The following PLCB1 variants were observed in gnomAD, a reference collection of about 807,000 sequenced individuals.
PLCB1 encodes phospholipase C beta 1.
In PLCB1, 46 loss-of-function variants were observed where a neutral mutation model predicts 161.8. That is an observed-to-expected ratio of 0.28 (90% CI 0.22 to 0.36). The LOEUF is 0.36. Ranked by LOEUF, PLCB1 falls within the 10% of genes least tolerant of loss-of-function variation. PLCB1 has a pLI of 1.00. For synonymous variants in PLCB1, 517 were observed against 503.7 expected, an observed-to-expected ratio of 1.03 and a Z score of -0.35; for missense variants, 1,016 against 1,472.5, an observed-to-expected ratio of 0.69 and a Z score of 5.07.
At chr20:8,785,773 G>A (rs182837814) in intron 27 of PLCB1, among the ~76,000 whole-genome samples, 106 of 152,280 alleles carry the variant, frequency 7.0e-4, no homozygotes, top group African/African-American at 2.3e-3. Flanking sequence ...CGATGCTGCT[G>A]AGGATAAAGG....
At position 8,739,323 on chromosome 20, in the gene PLCB1, T is replaced by C; in HGVS notation, c.2271T>C (p.Ile757=). The C allele has an allele frequency of 6.2e-7, 1 of 1,614,052 alleles. No homozygotes were observed. Among genetic ancestry groups the C allele is most frequent in the Non-Finnish European group, 8.5e-7 (1 of 1,179,878 alleles). Residue 757 remains isoleucine (I), a synonymous_variant, in exon 21 of 32, where the codon ATT becomes ATC. Transcript: ENST00000338037. The part of the protein sequence containing the change: ...IAVYEEGGKF[I]GHRILPVQAI... The stretch of plus-strand genomic sequence containing the variant: ...TTTATGAAGAAGGAGGTAAATTCAT[T>C]GGCCACCGTATCTTGCCAGTGCAAG...
chr20:8,429,204 G>A (rs1979926100), intron 3 of PLCB1, among the ~76,000 whole-genome samples: 2 of 152,178 alleles, frequency 1.3e-5, no homozygotes, highest in African/African-American at 4.8e-5. Context: ...CACCAAAGTG[G>A]CTGACACATG....
chr20:8,269,719 G>A (rs558152394), intron 2 of PLCB1, among the ~76,000 whole-genome samples: 2 of 152,006 alleles, frequency 1.3e-5, no homozygotes, highest in Admixed American at 1.3e-4. Flanking sequence ...TTTGGCTTTC[G>A]TTACAACAGC....
chr20:8,581,288 G>A lies in PLCB1; in HGVS notation c.247-47006G>A, dbSNP rs1986824746. Among the ~76,000 whole-genome samples, 4 of 152,198 alleles carry A rather than the reference G, an allele frequency of 2.6e-5. No homozygotes were observed. In the South Asian group the frequency reaches 8.3e-4, roughly 32 times the overall value. Reference sequence around the variant, plus strand: ...TACTTAAATGTTCCAATGCTCCCCCGTACTTCCTAGTTCTCTTTGCAGTTA... The same window carrying A: ...TACTTAAATGTTCCAATGCTCCCCCATACTTCCTAGTTCTCTTTGCAGTTA... On this transcript the variant is annotated intron_variant, in intron 3 of 31. Coordinates refer to ENST00000338037, the MANE Select transcript of PLCB1 (RefSeq NM_015192.4).
intron 3 of PLCB1, among the ~76,000 whole-genome samples, chr20:8,586,951 A>G (rs1478140285): frequency 6.6e-6 from 1 of 152,114 alleles, no homozygotes; most frequent in African/African-American, 2.4e-5. Flanking sequence ...CTCGCATTTT[A>G]GTTTAAAAAG....
intron 11 of PLCB1, among the ~76,000 whole-genome samples, chr20:8,707,292 T>G (rs950172572): frequency 6.6e-6 from 1 of 151,916 alleles, no homozygotes; most frequent in African/African-American, 2.4e-5. Flanking sequence ...ACGCTATATA[T>G]TGAATGGGGA....
At chr20:8,410,687 A>G (rs1002478829) in intron 3 of PLCB1, among the ~76,000 whole-genome samples, 9 of 152,144 alleles carry the variant, frequency 5.9e-5, no homozygotes, top group African/African-American at 2.2e-4. Flanking sequence ...GCAGTCCCCA[A>G]AAAGATATGT....
intron 9 of PLCB1, among the ~76,000 whole-genome samples, chr20:8,659,386 A>C (rs1241039198): frequency 1.3e-5 from 2 of 152,176 alleles, no homozygotes; most frequent in African/African-American, 4.8e-5. Context: ...GTCCCTGAAC[A>C]AGATCTTCCA....
intron 1 of PLCB1, among the ~76,000 whole-genome samples, chr20:8,137,412 G>T (rs183676106): frequency 2.6e-5 from 4 of 152,300 alleles, no homozygotes; most frequent in Admixed American, 2.6e-4. Flanking sequence ...CAACTACAAA[G>T]TGCAAGGTGG....
rs1981928257 is a variant in PLCB1, at chr20:8,759,895, C to CTTT, written c.2657-512_2657-511insTTT. Reference sequence around the variant, plus strand: ...GTTATAAATGGGGCATATAATATCACATTTTTTTTTTTTTTTTTTTTTTGG... The same window carrying CTTT: ...GTTATAAATGGGGCATATAATATCACTTTATTTTTTTTTTTTTTTTTTTTTTGG... On this transcript the variant is annotated intron_variant, in intron 24 of 31. Coordinates refer to ENST00000338037, the MANE Select transcript of PLCB1 (RefSeq NM_015192.4). Among the ~76,000 whole-genome samples, 6 of 44,528 alleles carry CTTT rather than the reference C, an allele frequency of 1.3e-4. 1 individual carries two copies. The highest frequency in any genetic ancestry group is 1.4e-3 in the South Asian group (2 of 1,422). The allele number at this position is 44,528 out of a possible 152,430, so 29.2% of individuals were successfully genotyped here.
chr20:8,678,456 G>A (rs1030890735), intron 9 of PLCB1, among the ~76,000 whole-genome samples: 1 of 152,200 alleles, frequency 6.6e-6, no homozygotes, highest in African/African-American at 2.4e-5. Flanking sequence ...AGATTTGAAG[G>A]TGTTTGCTTC....
rs540980445 is a variant in PLCB1, at chr20:8,306,668, T to C, written c.178-64714T>C. ...ATCTAATGGGATTATATTAAAATTA[T>C]TGTTGTTTTAATATTGGTTATGAAA... On this transcript the variant is annotated intron_variant, in intron 2 of 31. Transcript: ENST00000338037. 3.9e-5 allele frequency among the ~76,000 whole-genome samples: 6 copies of C among 152,316 alleles called. No homozygotes were observed. The South Asian group carries it at 1.2e-3, about 32-fold the overall frequency.
intron 2 of PLCB1, among the ~76,000 whole-genome samples, chr20:8,185,469 T>G (rs2051893095): frequency 6.6e-6 from 1 of 152,002 alleles, no homozygotes; most frequent in South Asian, 2.1e-4. Context: ...ATCTCTGTAT[T>G]GATTTAGGAA....
chr20:8,300,094 G>A (rs1983828816), intron 2 of PLCB1, among the ~76,000 whole-genome samples: 1 of 152,152 alleles, frequency 6.6e-6, no homozygotes, highest in African/African-American at 2.4e-5. Flanking sequence ...TCGAGCTGCT[G>A]GCTGACTTAG....
chr20:8,327,257 G>C (rs1985193120), intron 2 of PLCB1, among the ~76,000 whole-genome samples: 1 of 152,192 alleles, frequency 6.6e-6, no homozygotes, highest in Non-Finnish European at 1.5e-5. Context: ...GGTTGTTGAG[G>C]TGTCCAGGCT....
At chr20:8,304,017 A>G (rs199571854) in intron 2 of PLCB1, among the ~76,000 whole-genome samples, 3 of 152,202 alleles carry the variant, frequency 2.0e-5, no homozygotes, top group Non-Finnish European at 4.4e-5. Flanking sequence ...TTCTTGAAAG[A>G]TCATCTCAGA....
At chr20:8,223,868 C>T (rs1253424641) in intron 2 of PLCB1, among the ~76,000 whole-genome samples, 1 of 152,110 alleles carries the variant, frequency 6.6e-6, no homozygotes, top group African/African-American at 2.4e-5. Flanking sequence ...TGGCCTCACC[C>T]CTACAGTGCT....
chr20:8,687,101 C>T (rs6056008), intron 10 of PLCB1, among the ~76,000 whole-genome samples: 99,181 of 150,974 alleles, frequency 0.66, 33,633 homozygotes, highest in South Asian at 0.78. Flanking sequence ...TGATAGCTCA[C>T]TGTAGTCCCG....
chr20:8,196,088 G>A (rs2052021137), intron 2 of PLCB1, among the ~76,000 whole-genome samples: 1 of 151,972 alleles, frequency 6.6e-6, no homozygotes, highest in South Asian at 2.1e-4. Context: ...CAAAAGAACA[G>A]CATGGGGGAA....
Sources: allele counts gnomAD v4.1 joint callset (sites outside exome capture counted in the v4.1 genomes callset), GRCh38; gene constraint gnomAD v4.1.1; transcripts MANE v1.5; gene names NCBI Gene and HGNC (gene_info 2026-07-23, HGNC 2026-07-21).